The following GLMN variants were observed in gnomAD, a reference collection of about 807,000 sequenced individuals.
GLMN encodes glomulin.
GLMN carries 75 observed loss-of-function variants against 87.8 expected under a neutral mutation model. That is an observed-to-expected ratio of 0.85 (90% CI 0.71 to 1.04). The LOEUF is 1.04. GLMN is among the 50% of genes least tolerant of loss of function. GLMN has a pLI of 0.00. For synonymous variants in GLMN, 206 were observed against 221.6 expected, an observed-to-expected ratio of 0.93 and a Z score of 0.63; for missense variants, 588 against 658.8, an observed-to-expected ratio of 0.89 and a Z score of 1.18.
chr1:92,290,046 G>T, intron 5 of GLMN, 152 bp downstream of exon 5: 1 of 659,820 alleles, frequency 1.5e-6, no homozygotes. Flanking sequence ...ATGAGCAGCA[G>T]TATTCACATT....
At chr1:92,275,079 C>T (rs1339030396) in intron 7 of GLMN, among the ~76,000 whole-genome samples, 1 of 152,198 alleles carries the variant, frequency 6.6e-6, no homozygotes, top group Non-Finnish European at 1.5e-5. Flanking sequence ...CAGACTGTTA[C>T]CACTATAGTT....
the GLMN span, among the ~76,000 whole-genome samples, chr1:92,361,864 C>CA: frequency 6.6e-6 from 1 of 150,918 alleles, no homozygotes; most frequent in Non-Finnish European, 1.5e-5. Flanking sequence ...TGTGGACTGA[C>CA]AAAATAGAAG....
At chr1:92,351,329 GA>G in the GLMN span, among the ~76,000 whole-genome samples, 1 of 107,616 alleles carries the variant, frequency 9.3e-6, no homozygotes, top group African/African-American at 3.6e-5. Context: ...AAAAAAAAAA[GA>G]AAGGACCATA....
At chr1:92,297,822 C>G (rs986231890) in intron 2 of GLMN, 139 bp downstream of exon 2, 2 of 642,650 alleles carry the variant, frequency 3.1e-6, no homozygotes, top group East Asian at 5.5e-5. Context: ...CTGCCTCCCC[C>G]ACTCATGCTC....
At chr1:92,269,670 G>A in intron 9 of GLMN, 53 bp downstream of exon 9, 1 of 1,133,130 alleles carries the variant, frequency 8.8e-7, no homozygotes, top group South Asian at 1.2e-5. Context: ...ATCTTAACAA[G>A]GACTATTTTA....
the GLMN span, chr1:92,304,102 T>C: frequency 2.0e-6 from 3 of 1,482,788 alleles, no homozygotes; most frequent in East Asian, 2.3e-5. Flanking sequence ...TTTTAAAATA[T>C]AGGCTTTTAT....
intron 16 of GLMN, among the ~76,000 whole-genome samples, chr1:92,250,009 T>A (rs1360656183): frequency 6.6e-6 from 1 of 152,098 alleles, no homozygotes; most frequent in Non-Finnish European, 1.5e-5. Flanking sequence ...CTTTTTTTTT[T>A]TCTTTTTACT....
chr1:92,306,176 A>T, the GLMN span, among the ~76,000 whole-genome samples: 3 of 152,232 alleles, frequency 2.0e-5, no homozygotes, highest in Non-Finnish European at 4.4e-5. Context: ...TAGAGAAGTC[A>T]GATTAACAGA....
chr1:92,265,475 A>G (rs936428880), intron 13 of GLMN, among the ~76,000 whole-genome samples: 1 of 152,182 alleles, frequency 6.6e-6, no homozygotes, highest in Non-Finnish European at 1.5e-5. Context: ...AAACAAGAAA[A>G]GATAGAATCA....
upstream of GLMN, among the ~76,000 whole-genome samples, chr1:92,299,942 T>C (rs566806611): frequency 3.3e-5 from 5 of 152,294 alleles, no homozygotes; most frequent in East Asian, 7.7e-4. Flanking sequence ...GTGACCATCA[T>C]CGAGTGCACT....
chr1:92,313,420 A>G, the GLMN span, among the ~76,000 whole-genome samples: 1 of 149,562 alleles, frequency 6.7e-6, no homozygotes, highest in Non-Finnish European at 1.5e-5. Context: ...ATTGTTAATA[A>G]TCAGTAATAT....
intron 11 of GLMN, among the ~76,000 whole-genome samples, chr1:92,267,522 T>C (rs899515737): frequency 6.6e-6 from 1 of 151,970 alleles, no homozygotes; most frequent in Non-Finnish European, 1.5e-5. Flanking sequence ...GCTAACACAG[T>C]GAAACTCCGT....
At chr1:92,357,722 G>C in the GLMN span, among the ~76,000 whole-genome samples, 4 of 152,138 alleles carry the variant, frequency 2.6e-5, no homozygotes, top group African/African-American at 9.7e-5. Flanking sequence ...AATAGAGATG[G>C]GGTTTTGCCA....
chr1:92,322,028 C>T, the GLMN span, among the ~76,000 whole-genome samples: 12 of 150,590 alleles, frequency 8.0e-5, no homozygotes, highest in African/African-American at 2.9e-4. Flanking sequence ...TCACTGCAAC[C>T]TCTGCCACCT....
At chr1:92,362,630 C>T in the GLMN span, among the ~76,000 whole-genome samples, 1 of 152,154 alleles carries the variant, frequency 6.6e-6, no homozygotes, top group Non-Finnish European at 1.5e-5. Context: ...AGAAACTGCT[C>T]AAAACTGCTT....
intron 16 of GLMN, among the ~76,000 whole-genome samples, chr1:92,262,567 G>A (rs897164618): frequency 6.6e-6 from 1 of 152,172 alleles, no homozygotes; most frequent in African/African-American, 2.4e-5. Context: ...CCATATGTAC[G>A]TTGAGCTCCA....
chr1:92,349,069 A>G, the GLMN span, among the ~76,000 whole-genome samples: 1 of 152,270 alleles, frequency 6.6e-6, no homozygotes, highest in African/African-American at 2.4e-5. Flanking sequence ...GACTGTAGGC[A>G]TACATGGGTG....
the GLMN span, among the ~76,000 whole-genome samples, chr1:92,330,097 T>C: frequency 6.6e-6 from 1 of 152,172 alleles, no homozygotes; most frequent in Admixed American, 6.5e-5. Context: ...GAATGACTCT[T>C]CTGCACCGTC....
chr1:92,369,122 A>T, the GLMN span, among the ~76,000 whole-genome samples: 1 of 152,236 alleles, frequency 6.6e-6, no homozygotes, highest in African/African-American at 2.4e-5. Flanking sequence ...AACTTTCAAC[A>T]GAAATCTTTT....
Sources: allele counts gnomAD v4.1 joint callset (sites outside exome capture counted in the v4.1 genomes callset), GRCh38; gene constraint gnomAD v4.1.1; transcripts MANE v1.5; gene names NCBI Gene and HGNC (gene_info 2026-07-23, HGNC 2026-07-21).